Variants in SPAG9 observed in about 807,000 individuals in gnomAD.
SPAG9 encodes C-Jun-amino-terminal kinase-interacting protein 4.
A neutral mutation model predicts 166.5 loss-of-function variants in SPAG9; 35 were observed. The ratio of observed to expected loss-of-function variants is 0.21; its 90% confidence interval spans 0.16 to 0.28. The LOEUF (loss-of-function observed/expected upper bound fraction) is 0.28, where lower values mean the gene tolerates loss of function less well. Among genes scored for constraint, SPAG9 ranks in the 10% least tolerant of loss-of-function variants. The pLI is 1.00. For missense variants in SPAG9, 1,235 were observed against 1,603.3 expected, an observed-to-expected ratio of 0.77 and a Z score of 3.92; for synonymous variants, 534 against 565.5, an observed-to-expected ratio of 0.94 and a Z score of 0.79.
At chr17:51,003,523 G>A (rs375571647) in intron 12 of SPAG9, among the ~76,000 whole-genome samples, 9 of 152,082 alleles carry the variant, frequency 5.9e-5, no homozygotes, top group Admixed American at 2.6e-4. Flanking sequence ...TATAAGAGTC[G>A]CTAAAATACC....
Position 51,001,721 on chromosome 17 carries a change from ATC to A in SPAG9, c.1599_1600del (p.Glu533AspfsTer32). On this transcript the variant is annotated frameshift_variant, in exon 13 of 30. Transcript: ENST00000262013. LOFTEE classifies it high-confidence loss of function. ...GAGCGCTTGTCATACAAACCGAATCATCTCTGTCCATCGAACAGCTTCCTGAA... is the reference window on the plus strand; with the variant it reads ...GAGCGCTTGTCATACAAACCGAATCATCTGTCCATCGAACAGCTTCCTGAA... 1.2e-6 allele frequency: 2 copies of A among 1,605,568 alleles called. No individual in the cohort carries two copies. The highest frequency in any genetic ancestry group is 1.7e-6 in the Non-Finnish European group (2 of 1,178,102).
At chr17:50,981,002 AAAAC>A (rs1412953255) in intron 25 of SPAG9, among the ~76,000 whole-genome samples, 22 of 152,178 alleles carry the variant, frequency 1.4e-4, no homozygotes, top group Non-Finnish European at 2.9e-5. Context: ...ACCTTGTCTC[AAAAC>A]AAACAAACAA....
chr17:51,104,580 G>A (rs749097928), intron 1 of SPAG9, among the ~76,000 whole-genome samples: 7 of 152,068 alleles, frequency 4.6e-5, no homozygotes, highest in African/African-American at 9.7e-5. Flanking sequence ...AGGTGATGGC[G>A]AGGCGAGTTC....
intron 4 of SPAG9, among the ~76,000 whole-genome samples, chr17:51,043,926 GACAAAATCTACAATCAACAGTCA>G (rs1364682678): frequency 9.2e-5 from 14 of 152,088 alleles, no homozygotes; most frequent in Non-Finnish European, 2.1e-4. Context: ...AAAATCAGTT[GACAAAATCTACAATCAACAGTCA>G]ACAAAATCTA....
chr17:51,044,039 A>G (rs2046934992), intron 4 of SPAG9, among the ~76,000 whole-genome samples: 1 of 152,180 alleles, frequency 6.6e-6, no homozygotes, highest in South Asian at 2.1e-4. Context: ...CAGGGAGGGG[A>G]GATCTCTTCA....
In SPAG9 at chr17:50,962,294, T is replaced by A. The variant is rs1044399375; in HGVS notation, c.*3978A>T. 1 of 152,192 alleles carries A rather than the reference T, an allele frequency of 6.6e-6. No individual in the cohort carries two copies. The highest frequency in any genetic ancestry group is 1.5e-5 in the Non-Finnish European group (1 of 68,034). 9.4% of individuals were successfully genotyped at this position (152,192 alleles called of 1,614,324 possible). A position where few individuals can be genotyped will look rare whatever the true frequency, so the allele number is the denominator to read the frequency against. On this transcript the variant is annotated 3_prime_UTR_variant, in exon 30 of 30. Coordinates refer to ENST00000262013, the MANE Select transcript of SPAG9 (RefSeq NM_001130528.3). ...CATTGCTAAATGAGCTCTTTGCTCA[T>A]AGAAATGAAGCTCAGCCTCTAAGAG...
chr17:51,035,300 G>T (rs941075692), intron 5 of SPAG9, among the ~76,000 whole-genome samples: 5 of 152,290 alleles, frequency 3.3e-5, no homozygotes, highest in African/African-American at 1.2e-4. Context: ...TTGTATTATG[G>T]TTAGTTAACA....
chr17:51,095,607 T>C (rs1176995307), intron 1 of SPAG9, among the ~76,000 whole-genome samples: 2 of 141,736 alleles, frequency 1.4e-5, no homozygotes, highest in East Asian at 2.2e-4. Flanking sequence ...GCCGAGATCA[T>C]GCCACTGCAC....
chr17:51,057,781 C>T (rs1475146627), intron 2 of SPAG9, among the ~76,000 whole-genome samples: 1 of 152,158 alleles, frequency 6.6e-6, no homozygotes, highest in Non-Finnish European at 1.5e-5. Flanking sequence ...TTTTATCATG[C>T]CACACAAGTG....
At position 51,062,788 on chromosome 17, in the gene SPAG9, C is replaced by T. The variant is rs527596391; in HGVS notation, c.425-6306G>A. Among the ~76,000 whole-genome samples, 8 of 152,192 alleles carry T rather than the reference C, an allele frequency of 5.3e-5. No individual in the cohort carries two copies. The East Asian group carries it at 1.6e-3, about 30-fold the overall frequency. On this transcript the variant is annotated intron_variant, in intron 2 of 29. Coordinates refer to ENST00000262013, the MANE Select transcript of SPAG9 (RefSeq NM_001130528.3). ...GTATTTTAGTAGACACAGGGTTTCG[C>T]CATGTTGGCCAGGCTGGTCTCGAAC...
At chr17:51,028,504 C>G (rs2046274577) in intron 6 of SPAG9, among the ~76,000 whole-genome samples, 1 of 152,184 alleles carries the variant, frequency 6.6e-6, no homozygotes, top group South Asian at 2.1e-4. Context: ...ATAGTTACCA[C>G]TGTGTTACAA....
intron 9 of SPAG9, among the ~76,000 whole-genome samples, chr17:51,010,576 A>T (rs1229572728): frequency 9.3e-5 from 13 of 139,924 alleles, no homozygotes; most frequent in African/African-American, 3.6e-4. Context: ...AAGAAAAAAA[A>T]AAAAAAATAT....
At chr17:51,076,391 C>T (rs531578463) in intron 2 of SPAG9, among the ~76,000 whole-genome samples, 2 of 151,842 alleles carry the variant, frequency 1.3e-5, no homozygotes, top group South Asian at 2.1e-4. Flanking sequence ...CCACTGCACA[C>T]GTTAGACAGA....
intron 20 of SPAG9, 99 bp from the exon 21 acceptor site, chr17:50,989,971 C>T: frequency 2.2e-6 from 2 of 919,252 alleles, no homozygotes; most frequent in Non-Finnish European, 3.6e-6. Flanking sequence ...CATCTACCCA[C>T]TCCTTCACAC....
chr17:51,097,688 T>G (rs2048684644), intron 1 of SPAG9, among the ~76,000 whole-genome samples: 1 of 152,156 alleles, frequency 6.6e-6, no homozygotes, highest in Non-Finnish European at 1.5e-5. Flanking sequence ...AACTGTGGGA[T>G]GTGACACTAT....
chr17:51,054,337 G>A (rs1170468700), intron 3 of SPAG9, among the ~76,000 whole-genome samples: 1 of 151,500 alleles, frequency 6.6e-6, no homozygotes, highest in Non-Finnish European at 1.5e-5. Context: ...TGCCCAGGCT[G>A]GTCTCAAACT....
chr17:51,112,971 G>GAAA (rs71355712), intron 1 of SPAG9, among the ~76,000 whole-genome samples: 1 of 92,892 alleles, frequency 1.1e-5, no homozygotes, highest in Non-Finnish European at 2.2e-5. Flanking sequence ...CTAAAAAAAA[G>GAAA]AAAAAAAAAA....
Position 51,001,771 on chromosome 17 carries a change from C to A in SPAG9, c.1551G>T (p.Gln517His). Residue 517 changes from glutamine to histidine, a missense_variant, in exon 13 of 30, where the codon CAG becomes CAT. This residue lies in a region of SPAG9 where 125 missense variants were observed against 194.0 expected (regional missense o/e 0.64). Transcript: ENST00000262013. ...EMARVLMERN[Q>H]YKERLMELQE... ...GAAGCTCCATCAATCTCTCTTTATA[C>A]TGGTTTCGCTCCATGAGAACACGGG... The A allele has an allele frequency of 6.2e-7, 1 of 1,613,778 alleles. No homozygotes were observed. The highest frequency in any genetic ancestry group is 8.5e-7 in the Non-Finnish European group (1 of 1,179,792).
chr17:51,109,808 C>T (rs2049055933), intron 1 of SPAG9, among the ~76,000 whole-genome samples: 1 of 151,916 alleles, frequency 6.6e-6, no homozygotes, highest in Admixed American at 6.6e-5. Context: ...ACTTCCTAGG[C>T]TGGTGCGATC....
Sources: gnomAD v4.1 joint callset for allele counts (sites outside exome capture counted in the v4.1 genomes callset) on GRCh38, gnomAD v4.1.1 for gene constraint, gnomAD v4.1.1 regional missense constraint, MANE v1.5 for transcripts, NCBI Gene and HGNC (gene_info 2026-07-23, HGNC 2026-07-21) for gene names.